Variants in SMC4 observed in about 807,000 individuals in gnomAD.
The protein encoded by SMC4 is structural maintenance of chromosomes protein 4.
A neutral mutation model predicts 145.6 loss-of-function variants in SMC4; 87 were observed. That is an observed-to-expected ratio of 0.60 (90% CI 0.50 to 0.71). The LOEUF is 0.71. SMC4 is among the 30% of genes least tolerant of loss of function. The pLI, the probability that SMC4 is intolerant of heterozygous loss-of-function variation, is 0.00. For missense variants in SMC4, 1,447 were observed against 1,537.1 expected (o/e 0.94, Z 0.98); for synonymous variants, 558 against 500.7 (o/e 1.11, Z -1.53).
rs1363799798 is a variant in SMC4 at position 160,433,937 on chromosome 3, C to T, written c.*128C>T. On this transcript the variant is annotated 3_prime_UTR_variant, in exon 24 of 24. Transcript: ENST00000357388. Reference sequence around the variant, plus strand: ...TCATGAAACTGGTTTCTGTTTTATGCAGTTGTCATTTGTAAAGTCTAATAA... The same window carrying T: ...TCATGAAACTGGTTTCTGTTTTATGTAGTTGTCATTTGTAAAGTCTAATAA... 2.7e-5 allele frequency: 17 copies of T among 623,742 alleles called. No homozygotes were observed. The highest frequency in any genetic ancestry group is 4.6e-5 in the Non-Finnish European group (17 of 370,536). 38.6% of individuals were successfully genotyped at this position (623,742 alleles called of 1,614,324 possible).
chr3:160,410,121 C>T (rs1360512564), intron 5 of SMC4, among the ~76,000 whole-genome samples: 1 of 152,108 alleles, frequency 6.6e-6, no homozygotes, highest in Non-Finnish European at 1.5e-5. Context: ...GCCTCTAGAT[C>T]AGTAGTTCTC....
chr3:160,412,315 A>G lies in SMC4; in HGVS notation c.853-11A>G, dbSNP rs200621769. On this transcript the variant is annotated splice_polypyrimidine_tract_variant and intron_variant, in intron 6 of 23. Coordinates refer to ENST00000357388, the MANE Select transcript of SMC4 (RefSeq NM_001002800.3). ...GTGTGTATTCAGTCTTTAAACTTTT[A>G]ATTTCTGTAGTTAAACAGGGTAAAG... The G allele has an allele frequency of 6.3e-7, 1 of 1,583,448 alleles. No homozygotes were observed. The highest frequency in any genetic ancestry group is 1.7e-5 in the Admixed American group (1 of 57,302).
At chr3:160,412,229 C>G in intron 6 of SMC4, 97 bp from the exon 7 acceptor site, 2 of 1,420,410 alleles carry the variant, frequency 1.4e-6, no homozygotes, top group Non-Finnish European at 1.9e-6. Flanking sequence ...GATGAACATT[C>G]TCCTTATTAA....
At chr3:160,406,517 T>G (rs923443706) in intron 5 of SMC4, among the ~76,000 whole-genome samples, 2 of 152,142 alleles carry the variant, frequency 1.3e-5, no homozygotes, top group African/African-American at 4.8e-5. Flanking sequence ...AACATCTATC[T>G]TAAAAACTGA....
rs1298176234 is a variant in SMC4, at chr3:160,431,774, G to C, written c.3246G>C (p.Arg1082=). The change falls in exon 21 of 24, where the codon CGG becomes CGC. Residue 1082 remains arginine (R), a synonymous_variant. Coordinates refer to ENST00000357388, the MANE Select transcript of SMC4 (RefSeq NM_001002800.3). Reference sequence around the variant, plus strand: ...ATCAAATTGCACTTTTGGAAGCCCGGTGTCATGAAATGAAACCAAACCTCG... The same window carrying C: ...ATCAAATTGCACTTTTGGAAGCCCGCTGTCATGAAATGAAACCAAACCTCG... ...ITNQIALLEA[R]CHEMKPNLGA... The C allele has an allele frequency of 1.2e-6, 2 of 1,613,754 alleles. No individual in the cohort carries two copies. Among genetic ancestry groups the C allele is most frequent in the African/African-American group, 2.7e-5 (2 of 74,884 alleles).
Position 160,425,022 on chromosome 3 carries a change from A to C in SMC4, c.2478+3A>C. On this transcript the variant is annotated splice_donor_region_variant and intron_variant, in intron 16 of 23. Coordinates refer to ENST00000357388, the MANE Select transcript of SMC4 (RefSeq NM_001002800.3). ...AAAAATTTACTGCAAGCATCCAGGT[A>C]TGTGTGTGTGTGTGTGTGTGTGTGT... is the stretch of plus-strand genomic sequence containing the variant. The C allele has an allele frequency of 3.4e-6, 5 of 1,468,122 alleles. No individual in the cohort carries two copies. The highest frequency in any genetic ancestry group is 4.6e-6 in the Non-Finnish European group (5 of 1,090,112). 90.9% of individuals were successfully genotyped at this position (1,468,122 alleles called of 1,614,324 possible). A position where few individuals can be genotyped will look rare whatever the true frequency, so the allele number is the denominator to read the frequency against.
chr3:160,422,576 C>G (rs1283431171), intron 13 of SMC4, among the ~76,000 whole-genome samples: 1 of 152,140 alleles, frequency 6.6e-6, no homozygotes, highest in Non-Finnish European at 1.5e-5. Context: ...ATTCTGAATA[C>G]AAGTCTCTTG....
rs4680583 is a variant in SMC4, at chr3:160,423,774, T to C, written c.2259T>C (p.Gly753=). The C allele has an allele frequency of 2.5e-6, 4 of 1,613,726 alleles. No homozygotes were observed. The highest frequency in any genetic ancestry group is 3.4e-6 in the Non-Finnish European group (4 of 1,179,824). Residue 753 remains glycine, a synonymous_variant, in exon 15 of 24, where the codon GGT becomes GGC. Coordinates refer to ENST00000357388, the MANE Select transcript of SMC4 (RefSeq NM_001002800.3). ...CCTGTTTTCCAGGTACAATGACTGGTGGTGGAAGCAAAGTAATGAAAGGAA... is the reference window on the plus strand; with the variant it reads ...CCTGTTTTCCAGGTACAATGACTGGCGGTGGAAGCAAAGTAATGAAAGGAA... ...QIIEQSGTMT[G]GGSKVMKGRM... is the part of the protein sequence containing the mutation.
At chr3:160,414,163 A>C (rs1391037984) in intron 8 of SMC4, 1 of 580,020 alleles carries the variant, frequency 1.7e-6, no homozygotes, top group South Asian at 1.5e-5. Flanking sequence ...CCAACTTAGA[A>C]AGGCAAAATA....
intron 13 of SMC4, 36 bp from the exon 14 acceptor site, chr3:160,423,389 A>G (rs772819742): frequency 3.6e-6 from 4 of 1,120,246 alleles, no homozygotes; most frequent in Non-Finnish European, 4.8e-6. Flanking sequence ...TTTTTTGTTA[A>G]CTGTTGTTTT....
chr3:160,420,871 T>G lies in SMC4; in HGVS notation c.1989T>G (p.Ile663Met), dbSNP rs578139879. ...TAAACTTCCTTAAAAGACAAAATAT[T>G]GGAGTTGCAACCTTTATAGGTTTAG... ...ECVNFLKRQN[I>M]GVATFIGLDK... The change falls in exon 13 of 24, where the codon ATT (isoleucine) becomes ATG (methionine). Residue 663 changes from isoleucine (I) to methionine (M), a missense_variant. Coordinates refer to ENST00000357388, the MANE Select transcript of SMC4 (RefSeq NM_001002800.3). The G allele has an allele frequency of 2.9e-5, 46 of 1,613,064 alleles. No individual in the cohort carries two copies. The highest frequency in any genetic ancestry group is 3.9e-5 in the Non-Finnish European group (46 of 1,179,676).
Position 160,434,806 on chromosome 3 carries a change from G to GAATT in SMC4, c.*1004_*1007dup, listed in dbSNP as rs559381003. ...TAAATTTCTGGGTATTTATCCTAAG[G>GAATT]AATTAATTAAAGAGTTAATTGTTCC... is the stretch of plus-strand genomic sequence containing the variant. On this transcript the variant is annotated 3_prime_UTR_variant, in exon 24 of 24. Transcript: ENST00000357388. 10 of 152,114 alleles carry GAATT rather than the reference G, an allele frequency of 6.6e-5. No homozygotes were observed. Among genetic ancestry groups the GAATT allele is most frequent in the Admixed American group, 2.0e-4 (3 of 15,276 alleles). 9.4% of individuals were successfully genotyped at this position (152,114 alleles called of 1,614,324 possible).
intron 7 of SMC4, chr3:160,412,754 A>C: frequency 1.2e-6 from 1 of 813,706 alleles, no homozygotes; most frequent in Non-Finnish European, 1.5e-6. Context: ...TGGCTGTGAC[A>C]CCTGTCATCC....
chr3:160,417,475 CTT>C (rs1366741834), intron 10 of SMC4: 4 of 462,654 alleles, frequency 8.6e-6, no homozygotes, highest in African/African-American at 8.0e-5. Context: ...CCTCAAATGT[CTT>C]TATTCCTCAG....
At chr3:160,411,459 A>G (rs576619796) in intron 5 of SMC4, among the ~76,000 whole-genome samples, 3 of 152,340 alleles carry the variant, frequency 2.0e-5, no homozygotes, top group East Asian at 3.8e-4. Context: ...GGTTCCTAAC[A>G]CAGTTTAACC....
intron 12 of SMC4, 31 bp downstream of exon 12, chr3:160,419,574 A>C (rs773122377): frequency 3.3e-6 from 5 of 1,527,894 alleles, no homozygotes; most frequent in Non-Finnish European, 2.6e-6. Context: ...GCATGGCTTT[A>C]CTTTTTTTTT....
chr3:160,401,849 A>G (rs1714703582), intron 2 of SMC4, 66 bp from the exon 3 acceptor site: 1 of 1,254,788 alleles, frequency 8.0e-7, no homozygotes, highest in Middle Eastern at 2.6e-4. Flanking sequence ...TCTCCGAACT[A>G]ATTGCACTAA....
chr3:160,413,408 T>C (rs1716234701), intron 7 of SMC4, 65 bp from the exon 8 acceptor site: 4 of 1,464,286 alleles, frequency 2.7e-6, no homozygotes, highest in Non-Finnish European at 3.7e-6. Context: ...ACTAAAATTG[T>C]TATACAGTTT....
intron 13 of SMC4, among the ~76,000 whole-genome samples, chr3:160,422,594 T>C (rs572532370): frequency 2.6e-5 from 4 of 152,356 alleles, no homozygotes; most frequent in East Asian, 1.9e-4. Context: ...TTGTGAGATA[T>C]GATTTACAGA....
Sources: gnomAD v4.1 joint callset for allele counts (sites outside exome capture counted in the v4.1 genomes callset) on GRCh38, gnomAD v4.1.1 for gene constraint, MANE v1.5 for transcripts, NCBI Gene and HGNC (gene_info 2026-07-23, HGNC 2026-07-21) for gene names.